The following ZBTB20 variants were observed in gnomAD, a reference collection of about 807,000 sequenced individuals.
ZBTB20 encodes the protein zinc finger and BTB domain containing 20.
Under a neutral mutation model 56.9 loss-of-function variants are expected in ZBTB20, and 9 were observed. The ratio of observed to expected loss-of-function variants is 0.16; its 90% confidence interval spans 0.10 to 0.28. ZBTB20 has a LOEUF of 0.28. Ranked by LOEUF, ZBTB20 falls within the 10% of genes least tolerant of loss-of-function variation. The pLI is 1.00. For missense variants in ZBTB20, 655 were observed against 1,003.0 expected (o/e 0.65, Z 4.69); for synonymous variants, 417 against 420.7 (o/e 0.99, Z 0.11).
intron 5 of ZBTB20, among the ~76,000 whole-genome samples, chr3:114,727,680 T>C (rs1194181817): frequency 6.6e-6 from 1 of 152,178 alleles, no homozygotes; most frequent in East Asian, 1.9e-4. Flanking sequence ...ACAAAAAACA[T>C]GTTGTGTTTG....
At chr3:114,458,310 C>T (rs72950696) in intron 7 of ZBTB20, among the ~76,000 whole-genome samples, 8,081 of 152,242 alleles carry the variant, frequency 0.053, 567 homozygotes, top group African/African-American at 0.16. Context: ...CGAATACACA[C>T]AAACATATAG....
At chr3:114,891,635 G>A (rs535314551) in intron 4 of ZBTB20, among the ~76,000 whole-genome samples, 2 of 152,278 alleles carry the variant, frequency 1.3e-5, no homozygotes, top group East Asian at 3.9e-4. Context: ...TCTTTACCAT[G>A]ACCAGATTCA....
intron 6 of ZBTB20, among the ~76,000 whole-genome samples, chr3:114,505,372 T>C (rs936291026): frequency 4.6e-5 from 7 of 152,162 alleles, no homozygotes; most frequent in African/African-American, 1.7e-4. Context: ...ACTTTCAGCA[T>C]TGTGAATAGA....
At chr3:114,394,680 G>A (rs755010548) in intron 7 of ZBTB20, among the ~76,000 whole-genome samples, 3 of 152,186 alleles carry the variant, frequency 2.0e-5, no homozygotes, top group Non-Finnish European at 4.4e-5. Flanking sequence ...TGATGCTACT[G>A]GTCTGGGACC....
intron 6 of ZBTB20, among the ~76,000 whole-genome samples, chr3:114,522,809 T>C (rs1303268941): frequency 6.6e-6 from 1 of 152,188 alleles, no homozygotes; most frequent in Admixed American, 6.5e-5. Context: ...TTTACCAATA[T>C]TGGGGAGGCT....
intron 7 of ZBTB20, among the ~76,000 whole-genome samples, chr3:114,476,756 G>A (rs76307454): frequency 0.026 from 3,946 of 152,310 alleles, 73 homozygotes; most frequent in South Asian, 0.039. Flanking sequence ...CAGAGATTAA[G>A]TGTCCAACAC....
chr3:114,591,407 T>C (rs1423913359), intron 6 of ZBTB20, among the ~76,000 whole-genome samples: 1 of 152,224 alleles, frequency 6.6e-6, no homozygotes, highest in Non-Finnish European at 1.5e-5. Context: ...GAAGTCATTC[T>C]TTATTTTCAG....
At chr3:115,020,762 ATACC>A (rs2080171775) in intron 2 of ZBTB20, among the ~76,000 whole-genome samples, 1 of 151,020 alleles carries the variant, frequency 6.6e-6, no homozygotes, top group Non-Finnish European at 1.5e-5. Context: ...CACACATATA[ATACC>A]TATTCTCTTC....
Position 114,423,256 on chromosome 3 carries a change from C to T in ZBTB20, c.-254-34151G>A, listed in dbSNP as rs114811001. Among the ~76,000 whole-genome samples the T allele has an allele frequency of 2.5e-3, 381 of 152,266 alleles. 2 individuals carry two copies. Among genetic ancestry groups the T allele is most frequent in the African/African-American group, 8.9e-3 (371 of 41,558 alleles). On this transcript the variant is annotated intron_variant, in intron 7 of 11. Transcript: ENST00000675478. Reference sequence around the variant, plus strand: ...CTCAAATGACTTTCTCACTGATCAACAATTATTAGTCTGTAAGGAGTTTAT... The same window carrying T: ...CTCAAATGACTTTCTCACTGATCAATAATTATTAGTCTGTAAGGAGTTTAT...
chr3:114,927,867 T>C (rs1315615973), intron 3 of ZBTB20, among the ~76,000 whole-genome samples: 2 of 152,198 alleles, frequency 1.3e-5, no homozygotes, highest in Non-Finnish European at 2.9e-5. Context: ...AAAACTCTTA[T>C]TTAAAACTCA....
At chr3:115,116,983 CTG>C (rs1343619752) in intron 1 of ZBTB20, among the ~76,000 whole-genome samples, 1 of 152,062 alleles carries the variant, frequency 6.6e-6, no homozygotes, top group Non-Finnish European at 1.5e-5. Context: ...TGTTTATTAT[CTG>C]TAAAAATTAC....
At chr3:114,537,238 A>T (rs768541007) in intron 6 of ZBTB20, among the ~76,000 whole-genome samples, 2 of 152,202 alleles carry the variant, frequency 1.3e-5, no homozygotes, top group Non-Finnish European at 2.9e-5. Context: ...CAATCTATTC[A>T]TCTAACAAAG....
At chr3:115,122,965 T>C (rs1289065505) in intron 1 of ZBTB20, among the ~76,000 whole-genome samples, 2 of 152,140 alleles carry the variant, frequency 1.3e-5, no homozygotes, top group Non-Finnish European at 2.9e-5. Context: ...CAGAACCCAG[T>C]AAATTACCTG....
At chr3:114,666,471 T>C (rs566030613) in intron 6 of ZBTB20, among the ~76,000 whole-genome samples, 6 of 152,070 alleles carry the variant, frequency 3.9e-5, no homozygotes, top group Non-Finnish European at 5.9e-5. Flanking sequence ...TTTCTTTTTG[T>C]ATGCAGACAG....
rs1371690007 is a variant in ZBTB20 at position 114,627,429 on chromosome 3, G to A, written c.-295+66099C>T. ...GCCCAAGTTTTCCATGAGATTATCA[G>A]AATACAAGGGTTAATAGACGATAAT... On this transcript the variant is annotated intron_variant, in intron 6 of 11. Coordinates refer to ENST00000675478, the MANE Select transcript of ZBTB20 (RefSeq NM_001348800.3). 4.6e-5 allele frequency among the ~76,000 whole-genome samples: 7 copies of A among 152,276 alleles called. No homozygotes were observed. The South Asian group carries it at 6.2e-4, about 14-fold the overall frequency.
At chr3:115,049,791 G>C (rs2081474532) in intron 2 of ZBTB20, among the ~76,000 whole-genome samples, 1 of 152,210 alleles carries the variant, frequency 6.6e-6, no homozygotes, top group Non-Finnish European at 1.5e-5. Flanking sequence ...GTAGTATTTA[G>C]GAAAGATTTA....
intron 6 of ZBTB20, among the ~76,000 whole-genome samples, chr3:114,592,357 G>A (rs1281343281): frequency 6.6e-6 from 1 of 152,134 alleles, no homozygotes; most frequent in African/African-American, 2.4e-5. Context: ...GTTGTGTCCT[G>A]GTATCATCAA....
chr3:114,858,249 A>T (rs2075338384), intron 4 of ZBTB20, among the ~76,000 whole-genome samples: 1 of 152,226 alleles, frequency 6.6e-6, no homozygotes, highest in African/African-American at 2.4e-5. Context: ...AAACGATTGC[A>T]GGGAACAAGC....
Position 114,761,412 on chromosome 3 carries a change from T to C in ZBTB20, c.-343+39689A>G, listed in dbSNP as rs547141920. ...TTTAGTATATTATGAAACTCACAAG[T>C]AGAGAAGCTAGATATACACTATGTG... On this transcript the variant is annotated intron_variant, in intron 5 of 11. Transcript: ENST00000675478. Among the ~76,000 whole-genome samples the C allele has an allele frequency of 6.6e-5, 10 of 152,274 alleles. No homozygotes were observed. The South Asian group carries it at 1.9e-3, about 28-fold the overall frequency.
Sources: gnomAD v4.1 joint callset for allele counts (sites outside exome capture counted in the v4.1 genomes callset) on GRCh38, gnomAD v4.1.1 for gene constraint, MANE v1.5 for transcripts, NCBI Gene and HGNC (gene_info 2026-07-23, HGNC 2026-07-21) for gene names.